Variants in LAMB1 observed in about 807,000 individuals in gnomAD.
LAMB1 encodes laminin subunit beta 1.
Under a neutral mutation model 222.3 loss-of-function variants are expected in LAMB1, and 121 were observed. That is an observed-to-expected ratio of 0.54 (90% CI 0.47 to 0.63). LAMB1 has a LOEUF of 0.63. Among genes scored for constraint, LAMB1 ranks in the 30% least tolerant of loss-of-function variants. The pLI is 0.00. For missense variants in LAMB1, 2,172 were observed against 2,240.8 expected (o/e 0.97, Z 0.62); for synonymous variants, 794 against 807.2 (o/e 0.98, Z 0.28).
Position 107,953,584 on chromosome 7 carries a change from A to G in LAMB1, c.3025T>C (p.Cys1009Arg). 1 of 1,614,214 alleles carries G rather than the reference A, an allele frequency of 6.2e-7. No homozygotes were observed. Among genetic ancestry groups the G allele is most frequent in the Non-Finnish European group, 8.5e-7 (1 of 1,180,042 alleles). The change falls in exon 22 of 34, where the codon TGT becomes CGT. Residue 1009 changes from cysteine (C) to arginine (R), a missense_variant. Cys to Arg is a radical substitution (Grantham distance 180). Transcript: ENST00000222399. ...KCLYHTEGEH[C>R]QFCRFGYYGD... Reference sequence around the variant, plus strand: ...TAGTATCCAAACCGGCAGAACTGACAGTGTTCCCCTTCCGTGTGGTACAGG... The same window carrying G: ...TAGTATCCAAACCGGCAGAACTGACGGTGTTCCCCTTCCGTGTGGTACAGG...
chr7:107,956,470 A>T (rs924902104), intron 20 of LAMB1, among the ~76,000 whole-genome samples: 2 of 152,088 alleles, frequency 1.3e-5, no homozygotes, highest in Non-Finnish European at 1.5e-5. Flanking sequence ...TTCGAGTGAC[A>T]CCCATGGCTT....
intron 8 of LAMB1, among the ~76,000 whole-genome samples, chr7:107,979,230 C>T (rs1171499209): frequency 1.3e-5 from 2 of 152,192 alleles, no homozygotes; most frequent in Non-Finnish European, 2.9e-5. Flanking sequence ...TAGAGAAATA[C>T]CTCCCTCCCC....
At position 107,929,536 on chromosome 7, in the gene LAMB1, G is replaced by C. The variant is rs770897023; in HGVS notation, c.4621C>G (p.Gln1541Glu). 6.2e-7 allele frequency: 1 copy of C among 1,614,092 alleles called. No homozygotes were observed. Among genetic ancestry groups the C allele is most frequent in the South Asian group, 1.1e-5 (1 of 91,078 alleles). Residue 1541 changes from glutamine (Q) to glutamate (E), a missense_variant, in exon 30 of 34, where the codon CAG becomes GAG. Coordinates refer to ENST00000222399, the MANE Select transcript of LAMB1 (RefSeq NM_002291.3). ...TCACGTATATCTTCTGTCAAGTTCT[G>C]TAACTGCTGTGGGGTGCTAGGCATC... ...MEMPSTPQQL[Q>E]NLTEDIRERV...
At chr7:107,935,793 TAC>T in intron 26 of LAMB1, 137 bp from the exon 27 acceptor site, 1 of 982,824 alleles carries the variant, frequency 1.0e-6, no homozygotes, top group Non-Finnish European at 1.5e-6. Flanking sequence ...ATTTATGAAG[TAC>T]AGTTTTCATG....
chr7:108,001,813 G>A (rs761246088), intron 2 of LAMB1, 80 bp from the exon 3 acceptor site: 5 of 1,573,812 alleles, frequency 3.2e-6, no homozygotes, highest in African/African-American at 2.7e-5. Flanking sequence ...GCGGGGGCGG[G>A]GGAGTGGGTG....
At chr7:107,960,224 T>C (rs2033468375) in intron 18 of LAMB1, among the ~76,000 whole-genome samples, 1 of 152,240 alleles carries the variant, frequency 6.6e-6, no homozygotes, top group Admixed American at 6.5e-5. Flanking sequence ...TTTCCCCTGG[T>C]CACCTGTTAT....
chr7:107,931,554 AC>A, intron 28 of LAMB1, 54 bp from the exon 29 acceptor site: 1 of 1,508,934 alleles, frequency 6.6e-7, no homozygotes, highest in South Asian at 1.2e-5. Flanking sequence ...TCTAAAGGAG[AC>A]CAGAATATTG....
Position 107,998,344 on chromosome 7 carries a change from A to T in LAMB1, c.349+13T>A, listed in dbSNP as rs199873091. On this transcript the variant is annotated intron_variant, in intron 4 of 33. Transcript: ENST00000222399. ...CACACTCAACGGAACTTGTCCCCAC[A>T]CCAACCACATACCATTTTCAGATTG... The T allele has an allele frequency of 4.3e-6, 7 of 1,613,650 alleles. No individual in the cohort carries two copies. Among genetic ancestry groups the T allele is most frequent in the Non-Finnish European group, 5.1e-6 (6 of 1,179,872 alleles).
intron 5 of LAMB1, among the ~76,000 whole-genome samples, chr7:107,989,477 A>G (rs910318791): frequency 1.3e-5 from 2 of 152,224 alleles, no homozygotes; most frequent in Admixed American, 1.3e-4. Flanking sequence ...TTTTTCTCTG[A>G]TAAAAGATGT....
In LAMB1 at chr7:107,935,411, T is replaced by G. The variant is rs2032823742; in HGVS notation, c.4188+4A>C. ...AGCAGTAAGGCCACATCCCCAAACC[T>G]TACCATTTCGGCAGCGGCTGAAAGG... On this transcript the variant is annotated splice_donor_region_variant and intron_variant, in intron 27 of 33. Transcript: ENST00000222399. The G allele has an allele frequency of 2.8e-6, 4 of 1,445,880 alleles. No homozygotes were observed. Among genetic ancestry groups the G allele is most frequent in the Non-Finnish European group, 2.8e-6 (3 of 1,074,180 alleles). 89.6% of individuals were successfully genotyped at this position (1,445,880 alleles called of 1,614,324 possible). A position where few individuals can be genotyped will look rare whatever the true frequency, so the allele number is the denominator to read the frequency against.
chr7:107,961,152 G>C, intron 17 of LAMB1, 54 bp downstream of exon 17: 1 of 1,610,100 alleles, frequency 6.2e-7, no homozygotes, highest in Non-Finnish European at 8.5e-7. Context: ...GAGAGCAGCT[G>C]GGCACTTTCC....
At chr7:107,939,080 C>T (rs1236142957) in intron 25 of LAMB1, among the ~76,000 whole-genome samples, 1 of 152,054 alleles carries the variant, frequency 6.6e-6, no homozygotes, top group Non-Finnish European at 1.5e-5. Context: ...TGAAGCAGTC[C>T]CCTCAGGCCT....
chr7:107,982,727 G>A (rs959103954), intron 7 of LAMB1, among the ~76,000 whole-genome samples: 5 of 152,126 alleles, frequency 3.3e-5, no homozygotes, highest in African/African-American at 9.7e-5. Context: ...TTTAAAAAGC[G>A]AGCCTCATCT....
At chr7:107,964,233 A>G (rs1391797675) in intron 14 of LAMB1, among the ~76,000 whole-genome samples, 2 of 152,248 alleles carry the variant, frequency 1.3e-5, no homozygotes, top group Admixed American at 1.3e-4. Context: ...AGATGAAAAA[A>G]TATCCTTGCC....
At chr7:107,967,543 C>G (rs984097482) in intron 13 of LAMB1, among the ~76,000 whole-genome samples, 9 of 152,164 alleles carry the variant, frequency 5.9e-5, no homozygotes, top group Non-Finnish European at 1.2e-4. Context: ...CCTCTGAAAA[C>G]GGCTTCTCTT....
intron 2 of LAMB1, 95 bp downstream of exon 2, chr7:108,002,754 C>G (rs2034415427): frequency 6.5e-7 from 1 of 1,543,244 alleles, no homozygotes; most frequent in Non-Finnish European, 8.9e-7. Context: ...TCTCCCAAGC[C>G]CCCAGGATCC....
At chr7:107,974,526 A>C (rs1562998377) in intron 12 of LAMB1, among the ~76,000 whole-genome samples, 1 of 151,968 alleles carries the variant, frequency 6.6e-6, no homozygotes, top group Non-Finnish European at 1.5e-5. Context: ...AGTCTTCTGG[A>C]GAATAAATCT....
In LAMB1 at chr7:107,932,290, C is replaced by A. The variant is rs368218591; in HGVS notation, c.4276G>T (p.Gly1426Trp). The A allele has an allele frequency of 1.2e-6, 2 of 1,614,126 alleles. No individual in the cohort carries two copies. Among genetic ancestry groups the A allele is most frequent in the Non-Finnish European group, 1.7e-6 (2 of 1,180,046 alleles). Reference sequence around the variant, plus strand: ...ACCAGACCACCACAGCCAGGCCCCCCACACTTCCTCTCTCCTTCGTCAGTT... The same window carrying A: ...ACCAGACCACCACAGCCAGGCCCCCAACACTTCCTCTCTCCTTCGTCAGTT... Reference protein sequence around the residue: ...CRTDEGERKCGGPGCGGLVTV... With the variant: ...CRTDEGERKCWGPGCGGLVTV... Residue 1426 changes from glycine (G) to tryptophan (W), a missense_variant, in exon 28 of 34, where the codon GGG (glycine) becomes TGG (tryptophan). Physicochemically the swap from Gly to Trp is radical, Grantham distance 184. Transcript: ENST00000222399.
chr7:107,963,382 G>C (rs1249251779), intron 14 of LAMB1, among the ~76,000 whole-genome samples: 2 of 152,160 alleles, frequency 1.3e-5, no homozygotes, highest in Non-Finnish European at 2.9e-5. Flanking sequence ...GCCGTTATAA[G>C]CAAGTCTAGG....
Sources: allele counts gnomAD v4.1 joint callset (sites outside exome capture counted in the v4.1 genomes callset), GRCh38; gene constraint gnomAD v4.1.1; transcripts MANE v1.5; gene names NCBI Gene and HGNC (gene_info 2026-07-23, HGNC 2026-07-21).